The following CDKAL1 variants were observed in gnomAD, a reference collection of about 807,000 sequenced individuals.
CDKAL1 encodes the protein CDKAL1 threonylcarbamoyladenosine tRNA methylthiotransferase.
CDKAL1 carries 32 observed loss-of-function variants against 68.2 expected under a neutral mutation model. The ratio of observed to expected loss-of-function variants is 0.47; its 90% CI spans 0.35 to 0.63. The LOEUF (loss-of-function observed/expected upper bound fraction) is 0.63, where lower values mean the gene tolerates loss of function less well. Ranked by LOEUF, CDKAL1 falls within the 30% of genes least tolerant of loss-of-function variation. CDKAL1 has a pLI of 0.00. For missense variants in CDKAL1, 606 were observed against 696.7 expected (o/e 0.87, Z 1.47); for synonymous variants, 234 against 244.3 (o/e 0.96, Z 0.39).
chr6:20,617,203 C>G (rs1414700309), intron 4 of CDKAL1, among the ~76,000 whole-genome samples: 2 of 152,080 alleles, frequency 1.3e-5, no homozygotes. Flanking sequence ...TCTCCCTGAA[C>G]TTGCTTTTAA....
chr6:20,845,014 T>C (rs991083369), intron 8 of CDKAL1, among the ~76,000 whole-genome samples: 5 of 152,232 alleles, frequency 3.3e-5, no homozygotes, highest in African/African-American at 1.2e-4. Flanking sequence ...TGTATGTTAC[T>C]TTACTTAAGG....
chr6:21,083,969 G>A (rs920039331), intron 12 of CDKAL1, among the ~76,000 whole-genome samples: 4 of 152,024 alleles, frequency 2.6e-5, no homozygotes, highest in Admixed American at 1.3e-4. Context: ...GCCCTTTATC[G>A]GCGATGCTAA....
intron 5 of CDKAL1, among the ~76,000 whole-genome samples, chr6:20,681,581 C>T (rs1770377022): frequency 6.6e-6 from 1 of 151,956 alleles, no homozygotes; most frequent in African/African-American, 2.4e-5. Flanking sequence ...GTTTGCCTTG[C>T]CTTGGGTGAC....
At chr6:20,773,631 T>A (rs1306375104) in intron 7 of CDKAL1, among the ~76,000 whole-genome samples, 3 of 152,072 alleles carry the variant, frequency 2.0e-5, no homozygotes, top group Non-Finnish European at 4.4e-5. Context: ...CACTGCAAGC[T>A]CCACCTTCTG....
chr6:21,136,484 G>T (rs1001309543), intron 13 of CDKAL1, among the ~76,000 whole-genome samples: 3 of 152,130 alleles, frequency 2.0e-5, no homozygotes, highest in Non-Finnish European at 4.4e-5. Flanking sequence ...TAATAGCAAA[G>T]CATAAATGTG....
intron 13 of CDKAL1, among the ~76,000 whole-genome samples, chr6:21,168,918 A>G (rs1199662581): frequency 2.6e-5 from 4 of 152,114 alleles, no homozygotes; most frequent in Non-Finnish European, 5.9e-5. Context: ...CCAAAACATA[A>G]ATATGTAAGT....
chr6:20,997,554 A>C (rs1296202650), intron 10 of CDKAL1, among the ~76,000 whole-genome samples: 1 of 151,928 alleles, frequency 6.6e-6, no homozygotes, highest in East Asian at 1.9e-4. Context: ...GGGGAGGGGG[A>C]AACCACTACA....
intron 13 of CDKAL1, among the ~76,000 whole-genome samples, chr6:21,186,874 A>G (rs1239923789): frequency 2.0e-5 from 3 of 152,216 alleles, no homozygotes; most frequent in Admixed American, 2.0e-4. Context: ...GCCCTCTCCA[A>G]TAAAAATATG....
At chr6:21,052,211 A>G (rs1354183488) in intron 11 of CDKAL1, among the ~76,000 whole-genome samples, 2 of 152,260 alleles carry the variant, frequency 1.3e-5, no homozygotes, top group African/African-American at 4.8e-5. Context: ...CAATATAAAT[A>G]GAATGATTCC....
intron 4 of CDKAL1, among the ~76,000 whole-genome samples, chr6:20,595,019 A>G (rs1280851696): frequency 1.3e-5 from 2 of 152,140 alleles, no homozygotes; most frequent in African/African-American, 4.8e-5. Flanking sequence ...GCTGACTTGT[A>G]TGGTTTCTGC....
intron 5 of CDKAL1, among the ~76,000 whole-genome samples, chr6:20,729,902 C>T (rs1180147107): frequency 6.6e-6 from 1 of 152,136 alleles, no homozygotes; most frequent in Non-Finnish European, 1.5e-5. Context: ...CTACAATGTG[C>T]CAGGCATACT....
chr6:20,849,538 G>A (rs1161298358), intron 9 of CDKAL1, among the ~76,000 whole-genome samples: 3 of 143,412 alleles, frequency 2.1e-5, no homozygotes, highest in Non-Finnish European at 3.0e-5. Flanking sequence ...AGCTGAGATT[G>A]CGCCACTGAA....
intron 10 of CDKAL1, among the ~76,000 whole-genome samples, chr6:20,980,232 GAT>G (rs148833563): frequency 4.2e-5 from 5 of 118,314 alleles, no homozygotes; most frequent in African/African-American, 1.6e-4. Flanking sequence ...TATAGATATA[GAT>G]ATATAGATAT....
In CDKAL1 at chr6:21,060,508, T is replaced by C. The variant is rs574107075; in HGVS notation, c.1056-4540T>C. ...TGTACTTTTTACTTTTATTGATTTT[T>C]CTCTATTTTCTATTTCATTGATTTC... On this transcript the variant is annotated intron_variant, in intron 11 of 15. Coordinates refer to ENST00000274695, the MANE Select transcript of CDKAL1 (RefSeq NM_017774.3). 1.4e-4 allele frequency among the ~76,000 whole-genome samples: 22 copies of C among 152,220 alleles called. No homozygotes were observed. The South Asian group carries it at 3.5e-3, about 24-fold the overall frequency.
chr6:21,154,566 G>A (rs1322636356), intron 13 of CDKAL1, among the ~76,000 whole-genome samples: 1 of 152,136 alleles, frequency 6.6e-6, no homozygotes, highest in Non-Finnish European at 1.5e-5. Context: ...GTGTAACTAG[G>A]TCTTTTGATA....
intron 8 of CDKAL1, among the ~76,000 whole-genome samples, chr6:20,802,014 C>T (rs1007518242): frequency 1.3e-5 from 2 of 151,940 alleles, no homozygotes; most frequent in African/African-American, 2.4e-5. Context: ...ATATGAATGA[C>T]GGCCGGGTGC....
At chr6:21,156,179 G>A (rs935899623) in intron 13 of CDKAL1, among the ~76,000 whole-genome samples, 1 of 152,078 alleles carries the variant, frequency 6.6e-6, no homozygotes, top group African/African-American at 2.4e-5. Context: ...CTAGCACTTT[G>A]GGAAGCTGAG....
At chr6:20,576,684 A>G (rs1274650473) in intron 4 of CDKAL1, among the ~76,000 whole-genome samples, 1 of 152,144 alleles carries the variant, frequency 6.6e-6, no homozygotes, top group African/African-American at 2.4e-5. Context: ...CCTTGTAGCA[A>G]ACTCTATGCT....
chr6:21,009,857 G>A (rs1440888955), intron 11 of CDKAL1, among the ~76,000 whole-genome samples: 1 of 152,174 alleles, frequency 6.6e-6, no homozygotes, highest in Admixed American at 6.5e-5. Flanking sequence ...GGTAGGTGGT[G>A]ATGAAGAGAG....
Sources: gnomAD v4.1 joint callset for allele counts (sites outside exome capture counted in the v4.1 genomes callset) on GRCh38, gnomAD v4.1.1 for gene constraint, MANE v1.5 for transcripts, NCBI Gene and HGNC (gene_info 2026-07-23, HGNC 2026-07-21) for gene names.